The following DOCK3 variants were observed in gnomAD, a reference collection of about 807,000 sequenced individuals.
DOCK3 encodes the protein dedicator of cytokinesis protein 3.
Under a neutral mutation model 265.6 loss-of-function variants are expected in DOCK3, and 60 were observed. That is an observed-to-expected ratio of 0.23 (90% CI 0.18 to 0.28). DOCK3 has a LOEUF of 0.28. Ranked by LOEUF, DOCK3 falls within the 10% of genes least tolerant of loss-of-function variation. The pLI is 1.00. For synonymous variants in DOCK3, 881 were observed against 938.0 expected (o/e 0.94, Z 1.11); for missense variants, 1,981 against 2,594.3 (o/e 0.76, Z 5.14).
intron 1 of DOCK3, among the ~76,000 whole-genome samples, chr3:50,704,297 A>G (rs1424490075): frequency 2.6e-5 from 4 of 152,010 alleles, no homozygotes; most frequent in Non-Finnish European, 5.9e-5. Flanking sequence ...CATTTGTTCT[A>G]TAGTGCAGGT....
Position 51,338,947 on chromosome 3 carries a change from T to C in DOCK3, c.3685T>C (p.Ser1229Pro). Reference protein sequence around the residue: ...CTVNLMNFYKSEINKEEMYIR... With the variant: ...CTVNLMNFYKPEINKEEMYIR... ...CTCTTTATTGTAGAATTTTTACAAA[T>C]CTGAGATTAACAAGGAAGAAATGTA... Residue 1229 changes from serine to proline, a missense_variant, in exon 37 of 53, where the codon TCT (serine) becomes CCT (proline). By Grantham distance (74) the Ser-to-Pro change is moderately conservative. Coordinates refer to ENST00000266037, the MANE Select transcript of DOCK3 (RefSeq NM_004947.5). 1 of 1,607,898 alleles carries C rather than the reference T, an allele frequency of 6.2e-7. No individual in the cohort carries two copies. Among genetic ancestry groups the C allele is most frequent in the African/African-American group, 1.3e-5 (1 of 75,000 alleles).
At chr3:50,948,449 G>T (rs1238657975) in intron 5 of DOCK3, among the ~76,000 whole-genome samples, 1 of 144,040 alleles carries the variant, frequency 6.9e-6, no homozygotes, top group African/African-American at 2.6e-5. Context: ...TGACTCCCAG[G>T]CTGGAATGCA....
At chr3:51,137,242 T>C (rs1315502963) in intron 9 of DOCK3, among the ~76,000 whole-genome samples, 2 of 152,206 alleles carry the variant, frequency 1.3e-5, no homozygotes, top group African/African-American at 4.8e-5. Context: ...TATTTCCTAC[T>C]CTGTTGGGTC....
At chr3:51,016,861 AAT>A (rs375129330) in intron 5 of DOCK3, among the ~76,000 whole-genome samples, 2 of 86,428 alleles carry the variant, frequency 2.3e-5, no homozygotes, top group South Asian at 3.7e-4. Flanking sequence ...ATCATATATA[AAT>A]ATATATGATA....
intron 5 of DOCK3, among the ~76,000 whole-genome samples, chr3:51,035,065 C>T (rs1050013510): frequency 5.3e-5 from 8 of 151,722 alleles, no homozygotes; most frequent in South Asian, 2.1e-4. Flanking sequence ...AGTCTGTTTG[C>T]GATTCATTGA....
chr3:51,358,209 C>A, intron 46 of DOCK3, 132 bp downstream of exon 46: 2 of 816,248 alleles, frequency 2.5e-6, no homozygotes, highest in Admixed American at 2.4e-5. Context: ...GAGAGGCTGT[C>A]CTCCCTACAG....
intron 9 of DOCK3, among the ~76,000 whole-genome samples, chr3:51,144,659 A>G (rs568025669): frequency 6.6e-6 from 1 of 152,242 alleles, no homozygotes; most frequent in Admixed American, 6.5e-5. Context: ...ATCTGACCCA[A>G]ATCTTTCTGA....
chr3:51,343,116 G>T (rs1183284495), intron 38 of DOCK3, among the ~76,000 whole-genome samples: 2 of 151,992 alleles, frequency 1.3e-5, no homozygotes, highest in East Asian at 1.9e-4. Context: ...GCAAAACCCA[G>T]ATGCTATGGG....
rs2087964753 is a variant in DOCK3, at chr3:51,374,776, T to G, written c.5412+189T>G. Among the ~76,000 whole-genome samples the G allele has an allele frequency of 6.6e-6, 1 of 152,122 alleles. No individual in the cohort carries two copies. Among genetic ancestry groups the G allele is most frequent in the South Asian group, 2.1e-4 (1 of 4,816 alleles). On this transcript the variant is annotated intron_variant, in intron 50 of 52. Coordinates refer to ENST00000266037, the MANE Select transcript of DOCK3 (RefSeq NM_004947.5). The surrounding 1 kb of genome is among the most constrained non-coding windows in gnomAD (Gnocchi z 4.8). ...CTGAGGACCAGCAATCCAGACAGAG[T>G]GTAGGCGTGAGTAGAATGGTGGCAG... is the stretch of plus-strand genomic sequence containing the variant.
intron 2 of DOCK3, among the ~76,000 whole-genome samples, chr3:50,785,695 C>T (rs534289897): frequency 6.6e-6 from 1 of 152,232 alleles, no homozygotes; most frequent in African/African-American, 2.4e-5. Flanking sequence ...TTTTAATATA[C>T]TGTTGGATTC....
chr3:51,322,200 G>T (rs554644379), intron 32 of DOCK3, among the ~76,000 whole-genome samples: 3 of 151,998 alleles, frequency 2.0e-5, no homozygotes, highest in African/African-American at 7.2e-5. Context: ...TTTTGTTTTT[G>T]TTTTTGTTTT....
At chr3:50,957,469 T>A (rs1396899013) in intron 5 of DOCK3, among the ~76,000 whole-genome samples, 1 of 152,252 alleles carries the variant, frequency 6.6e-6, no homozygotes, top group African/African-American at 2.4e-5. Flanking sequence ...TACCTTACTC[T>A]GAAAGTTATT....
intron 2 of DOCK3, among the ~76,000 whole-genome samples, chr3:50,785,642 C>T (rs1164776057): frequency 4.6e-5 from 7 of 152,150 alleles, no homozygotes; most frequent in Admixed American, 4.6e-4. Flanking sequence ...TAAACCATCT[C>T]TGTGTTCCTG....
chr3:51,010,203 A>G (rs557514656), intron 5 of DOCK3, among the ~76,000 whole-genome samples: 2 of 152,142 alleles, frequency 1.3e-5, no homozygotes, highest in South Asian at 2.1e-4. Context: ...GATCTGTCCA[A>G]TGTTGACAGT....
intron 1 of DOCK3, among the ~76,000 whole-genome samples, chr3:50,767,479 T>A (rs575568390): frequency 6.6e-6 from 1 of 152,316 alleles, no homozygotes; most frequent in South Asian, 2.1e-4. Context: ...TTGGTCTATA[T>A]CTCTGTTTTG....
intron 32 of DOCK3, among the ~76,000 whole-genome samples, chr3:51,326,583 TTTGTTGTTGTTG>T (rs148344271): frequency 0.035 from 4,907 of 140,046 alleles, 100 homozygotes; most frequent in Non-Finnish European, 0.039. Flanking sequence ...CCTGGCATGT[TTTGTTGTTGTTG>T]TTGTTGTTGT....
intron 1 of DOCK3, among the ~76,000 whole-genome samples, chr3:50,777,725 T>C (rs1320422230): frequency 6.6e-6 from 1 of 152,178 alleles, no homozygotes; most frequent in Non-Finnish European, 1.5e-5. Context: ...GCTTGATTTT[T>C]GGTGTATGGC....
chr3:51,035,478 T>G (rs1443277516), intron 5 of DOCK3, among the ~76,000 whole-genome samples: 1 of 152,200 alleles, frequency 6.6e-6, no homozygotes, highest in Non-Finnish European at 1.5e-5. Context: ...ATTAAGGGCA[T>G]ATCATTCTCT....
intron 14 of DOCK3, among the ~76,000 whole-genome samples, chr3:51,224,839 G>A (rs930365431): frequency 3.3e-5 from 5 of 152,084 alleles, no homozygotes; most frequent in African/African-American, 7.2e-5. Flanking sequence ...TCTTATACAT[G>A]AACAGGCAAT....
Sources: allele counts gnomAD v4.1 joint callset (sites outside exome capture counted in the v4.1 genomes callset), GRCh38; gene constraint gnomAD v4.1.1; non-coding constraint Gnocchi (gnomAD v3.1); transcripts MANE v1.5; gene names NCBI Gene and HGNC (gene_info 2026-07-23, HGNC 2026-07-21).